GPR158: variants seen among roughly 807,000 people sequenced by gnomAD.
The protein encoded by GPR158 is metabotropic glycine receptor.
A neutral mutation model predicts 78.2 loss-of-function variants in GPR158; 30 were observed. That is an observed-to-expected ratio of 0.38 (90% confidence interval 0.29 to 0.52). The LOEUF (loss-of-function observed/expected upper bound fraction) is 0.52. Ranked by LOEUF, GPR158 falls within the 20% of genes least tolerant of loss-of-function variation. The pLI is 0.83. For synonymous variants in GPR158, 581 were observed against 591.1 expected (o/e 0.98, Z 0.25); for missense variants, 1,463 against 1,523.5 (o/e 0.96, Z 0.66).
intron 4 of GPR158, among the ~76,000 whole-genome samples, chr10:25,452,155 A>AGCC (rs1835228430): frequency 6.6e-6 from 1 of 151,986 alleles, no homozygotes; most frequent in African/African-American, 2.4e-5. Flanking sequence ...CTCCCACCTC[A>AGCC]GCCTTCCTGG....
intron 7 of GPR158, among the ~76,000 whole-genome samples, chr10:25,576,574 C>T (rs115526128): frequency 1.3e-3 from 196 of 152,088 alleles, no homozygotes; most frequent in African/African-American, 4.6e-3. Flanking sequence ...GTAATGACGA[C>T]CCTGAGATAG....
chr10:25,437,400 A>T (rs1835010896), intron 4 of GPR158, among the ~76,000 whole-genome samples: 1 of 151,378 alleles, frequency 6.6e-6, no homozygotes, highest in Non-Finnish European at 1.5e-5. Context: ...TCATTTTTGT[A>T]TTTTTTGTAG....
At chr10:25,528,761 A>T (rs1439711814) in intron 5 of GPR158, among the ~76,000 whole-genome samples, 1 of 152,196 alleles carries the variant, frequency 6.6e-6, no homozygotes, top group African/African-American at 2.4e-5. Flanking sequence ...AGTAATTTAC[A>T]AGTTTAGTCT....
chr10:25,541,868 G>A (rs893321389), intron 5 of GPR158, among the ~76,000 whole-genome samples: 2 of 149,676 alleles, frequency 1.3e-5, no homozygotes, highest in Admixed American at 6.7e-5. Flanking sequence ...CAAACCTGGG[G>A]ATGAGCAACT....
intron 1 of GPR158, among the ~76,000 whole-genome samples, chr10:25,189,626 G>A (rs996843724): frequency 6.6e-6 from 1 of 151,888 alleles, no homozygotes; most frequent in African/African-American, 2.4e-5. Flanking sequence ...TCACACACAG[G>A]GGCCTGTCGT....
intron 4 of GPR158, among the ~76,000 whole-genome samples, chr10:25,430,158 CAA>C (rs1201760635): frequency 6.6e-6 from 1 of 152,100 alleles, no homozygotes; most frequent in African/African-American, 2.4e-5. Flanking sequence ...GCAACTTCAG[CAA>C]AGTCTCAGGA....
chr10:25,298,746 C>CT (rs1854550651), intron 2 of GPR158, among the ~76,000 whole-genome samples: 1 of 152,140 alleles, frequency 6.6e-6, no homozygotes. Flanking sequence ...TTATTTTTTA[C>CT]TGTCTCAGTT....
chr10:25,403,348 C>T (rs192631110), intron 3 of GPR158, among the ~76,000 whole-genome samples: 3 of 151,890 alleles, frequency 2.0e-5, no homozygotes, highest in African/African-American at 4.8e-5. Context: ...TACAGGTGAA[C>T]GTTTTAGATT....
chr10:25,570,830 T>C (rs909353682), intron 6 of GPR158, among the ~76,000 whole-genome samples: 4 of 152,040 alleles, frequency 2.6e-5, no homozygotes, highest in Non-Finnish European at 5.9e-5. Flanking sequence ...GGCAGGAGAA[T>C]AATCGCTTGA....
intron 2 of GPR158, among the ~76,000 whole-genome samples, chr10:25,384,408 G>A (rs1156936595): frequency 1.3e-5 from 2 of 152,156 alleles, no homozygotes; most frequent in Non-Finnish European, 2.9e-5. Context: ...CTATTGTTCA[G>A]CGTAATGATT....
rs183424276 is a variant in GPR158, at chr10:25,462,126, A to C, written c.1336-4525A>C. On this transcript the variant is annotated intron_variant, in intron 4 of 10. Transcript: ENST00000376351. Reference sequence around the variant, plus strand: ...TGACCTTTTTGTTAGGGGCAAATGCAACTAGTGACTTTAAGTTAAAGCCAA... The same window carrying C: ...TGACCTTTTTGTTAGGGGCAAATGCCACTAGTGACTTTAAGTTAAAGCCAA... 1.1e-4 allele frequency among the ~76,000 whole-genome samples: 17 copies of C among 152,280 alleles called. No homozygotes were observed. The East Asian group carries it at 3.3e-3, about 29-fold the overall frequency.
intron 4 of GPR158, among the ~76,000 whole-genome samples, chr10:25,440,021 A>T (rs1364269629): frequency 6.6e-6 from 1 of 152,202 alleles, no homozygotes; most frequent in Non-Finnish European, 1.5e-5. Flanking sequence ...CCATAAAAAA[A>T]TCATGTTCTC....
intron 2 of GPR158, among the ~76,000 whole-genome samples, chr10:25,327,381 A>T (rs1855051358): frequency 6.6e-6 from 1 of 152,180 alleles, no homozygotes; most frequent in Non-Finnish European, 1.5e-5. Context: ...ATTTGCTAAC[A>T]TAATACCTCA....
At chr10:25,211,580 C>T (rs1853131294) in intron 1 of GPR158, among the ~76,000 whole-genome samples, 1 of 152,208 alleles carries the variant, frequency 6.6e-6, no homozygotes, top group East Asian at 1.9e-4. Flanking sequence ...TATGACCAGT[C>T]ACCTCTTACA....
chr10:25,506,046 A>C (rs1836008925), intron 5 of GPR158, among the ~76,000 whole-genome samples: 1 of 152,204 alleles, frequency 6.6e-6, no homozygotes, highest in African/African-American at 2.4e-5. Flanking sequence ...ATTTTAAGCA[A>C]TCAATCAATG....
chr10:25,209,147 C>A (rs1424796050), intron 1 of GPR158, among the ~76,000 whole-genome samples: 1 of 152,158 alleles, frequency 6.6e-6, no homozygotes, highest in East Asian at 1.9e-4. Context: ...GCCACTGCGC[C>A]CAGCCACTTC....
intron 1 of GPR158, among the ~76,000 whole-genome samples, chr10:25,205,438 T>C (rs1365428288): frequency 6.6e-6 from 1 of 152,008 alleles, no homozygotes; most frequent in African/African-American, 2.4e-5. Context: ...GGGGTTTGTT[T>C]GCTCTTGTTT....
At chr10:25,426,826 C>G (rs1287250417) in intron 4 of GPR158, among the ~76,000 whole-genome samples, 1 of 151,962 alleles carries the variant, frequency 6.6e-6, no homozygotes. Context: ...TTGCTTGATG[C>G]AAGGTTTTCA....
At chr10:25,476,248 G>T (rs1835581774) in intron 5 of GPR158, among the ~76,000 whole-genome samples, 1 of 151,954 alleles carries the variant, frequency 6.6e-6, no homozygotes, top group Non-Finnish European at 1.5e-5. Context: ...AGAATTTTAA[G>T]AAAAAACTAA....
Sources: gnomAD v4.1 joint callset for allele counts (sites outside exome capture counted in the v4.1 genomes callset) on GRCh38, gnomAD v4.1.1 for gene constraint, MANE v1.5 for transcripts, NCBI Gene and HGNC (gene_info 2026-07-23, HGNC 2026-07-21) for gene names.